The following PLCXD2 variants were observed in gnomAD, a reference collection of about 807,000 sequenced individuals.
PLCXD2 encodes phosphatidylinositol specific phospholipase C X domain containing 2, also known as PI-PLC X domain-containing protein 2.
PLCXD2 carries 21 observed loss-of-function variants against 28.6 expected under a neutral mutation model. The observed-to-expected ratio is 0.73, with a 90% CI of 0.52 to 1.06. The LOEUF (loss-of-function observed/expected upper bound fraction) is 1.06, where lower values mean the gene tolerates loss of function less well. Ranked by LOEUF, PLCXD2 falls within the 50% of genes least tolerant of loss-of-function variation. The pLI is 0.00. For missense variants in PLCXD2, 369 were observed against 376.7 expected, an observed-to-expected ratio of 0.98 and a Z score of 0.17; for synonymous variants, 140 against 150.1, an observed-to-expected ratio of 0.93 and a Z score of 0.49.
At chr3:111,725,283 G>A (rs1035614894) in intron 3 of PLCXD2, 3 of 227,768 alleles carry the variant, frequency 1.3e-5, no homozygotes, top group Admixed American at 5.7e-5. Flanking sequence ...ATAGAACATG[G>A]TTGTCTTCTG....
intron 3 of PLCXD2, chr3:111,722,665 T>C (rs1450071689): frequency 6.6e-6 from 1 of 152,236 alleles, no homozygotes; most frequent in Non-Finnish European, 1.5e-5. Context: ...AATGGATGTA[T>C]GCATTTATAA....
intron 1 of PLCXD2, among the ~76,000 whole-genome samples, chr3:111,677,816 G>C (rs760668368): frequency 2.6e-5 from 4 of 152,094 alleles, no homozygotes; most frequent in Non-Finnish European, 4.4e-5. Flanking sequence ...AAAGCGAGTG[G>C]TATTTGTCTA....
chr3:111,675,489 T>C, intron 1 of PLCXD2, 81 bp downstream of exon 1: 1 of 1,517,562 alleles, frequency 6.6e-7, no homozygotes, highest in Non-Finnish European at 9.1e-7. Context: ...TGCTTTTCTA[T>C]TGTGCTGAGA....
chr3:111,709,004 T>C (rs1941161734), intron 2 of PLCXD2, among the ~76,000 whole-genome samples: 1 of 150,494 alleles, frequency 6.6e-6, no homozygotes, highest in Non-Finnish European at 1.5e-5. Context: ...GGAAGAGGAA[T>C]GTGGGCCTCA....
chr3:111,699,450 C>T (rs1941010055), intron 1 of PLCXD2, among the ~76,000 whole-genome samples: 1 of 152,148 alleles, frequency 6.6e-6, no homozygotes, highest in Non-Finnish European at 1.5e-5. Context: ...AACTAGAATG[C>T]ACTCATTTGA....
intron 1 of PLCXD2, among the ~76,000 whole-genome samples, chr3:111,703,417 C>CA (rs1941074238): frequency 6.6e-6 from 1 of 152,198 alleles, no homozygotes; most frequent in South Asian, 2.1e-4. Context: ...CACATTTCTG[C>CA]ACAGTCCTCA....
At chr3:111,706,650 A>AC (rs1367146126) in intron 1 of PLCXD2, among the ~76,000 whole-genome samples, 1 of 151,706 alleles carries the variant, frequency 6.6e-6, no homozygotes, top group Non-Finnish European at 1.5e-5. Context: ...AATGGATTAA[A>AC]AAAAAAAAAG....
intron 1 of PLCXD2, among the ~76,000 whole-genome samples, chr3:111,700,610 G>GA (rs5851778): frequency 2.0e-5 from 3 of 151,298 alleles, no homozygotes; most frequent in African/African-American, 2.4e-5. Context: ...TGGAGAAGAG[G>GA]AAAAAAAAAA....
chr3:111,725,758 C>G (rs537378154), intron 3 of PLCXD2: 1 of 398,492 alleles, frequency 2.5e-6, no homozygotes, highest in Admixed American at 4.4e-5. Context: ...AATATTTACC[C>G]TTATATTTGG....
chr3:111,695,935 T>C (rs371041444), intron 1 of PLCXD2, among the ~76,000 whole-genome samples: 21 of 152,340 alleles, frequency 1.4e-4, no homozygotes, highest in Middle Eastern at 3.4e-3. Flanking sequence ...ACTGTGGAAA[T>C]TGAAACTGCA....
At chr3:111,718,395 A>G (rs1288939297) in intron 3 of PLCXD2, among the ~76,000 whole-genome samples, 3 of 151,828 alleles carry the variant, frequency 2.0e-5, no homozygotes, top group African/African-American at 4.8e-5. Context: ...AACCCGGGAG[A>G]CGGAGCTTGC....
At chr3:111,712,305 C>T (rs1041717629) in intron 2 of PLCXD2, among the ~76,000 whole-genome samples, 6 of 152,200 alleles carry the variant, frequency 3.9e-5, no homozygotes, top group African/African-American at 7.2e-5. Flanking sequence ...ATGTGGCCCA[C>T]GGGCAGGCCC....
intron 1 of PLCXD2, among the ~76,000 whole-genome samples, chr3:111,703,046 A>C (rs976124279): frequency 2.6e-5 from 4 of 152,248 alleles, no homozygotes; most frequent in Non-Finnish European, 2.9e-5. Context: ...TCCATATGAC[A>C]TGAAAGCTTT....
intron 1 of PLCXD2, among the ~76,000 whole-genome samples, chr3:111,699,424 A>G (rs1331492527): frequency 6.6e-6 from 1 of 152,212 alleles, no homozygotes. Context: ...GAAATGGGTA[A>G]TGAAAGTGCT....
chr3:111,717,880 CACA>C (rs1480124781), intron 3 of PLCXD2, among the ~76,000 whole-genome samples: 2 of 152,140 alleles, frequency 1.3e-5, no homozygotes, highest in African/African-American at 4.8e-5. Flanking sequence ...ACTTCCAAAC[CACA>C]ACATGTTGTC....
At chr3:111,709,262 C>T (rs1450472487) in intron 2 of PLCXD2, among the ~76,000 whole-genome samples, 3 of 152,090 alleles carry the variant, frequency 2.0e-5, no homozygotes, top group Non-Finnish European at 4.4e-5. Context: ...ACACCAGGTA[C>T]ATGCCAAGTA....
chr3:111,714,689 A>G (rs1306721911), intron 3 of PLCXD2, among the ~76,000 whole-genome samples: 1 of 152,218 alleles, frequency 6.6e-6, no homozygotes, highest in Non-Finnish European at 1.5e-5. Flanking sequence ...TTTGTATCAG[A>G]TGGTGTTCCT....
intron 1 of PLCXD2, among the ~76,000 whole-genome samples, chr3:111,695,160 T>TAAAAA (rs10662190): frequency 7.6e-6 from 1 of 132,342 alleles, no homozygotes; most frequent in Non-Finnish European, 1.6e-5. Flanking sequence ...ACCCATTTTC[T>TAAAAA]AAAAAAAAAA....
chr3:111,698,463 T>C (rs1335284787), intron 1 of PLCXD2, among the ~76,000 whole-genome samples: 3 of 152,244 alleles, frequency 2.0e-5, no homozygotes, highest in African/African-American at 7.2e-5. Context: ...GGACTCACCA[T>C]TTGTGAAGTT....
Sources: gnomAD v4.1 joint callset for allele counts (sites outside exome capture counted in the v4.1 genomes callset) on GRCh38, gnomAD v4.1.1 for gene constraint, MANE v1.5 for transcripts, NCBI Gene and HGNC (gene_info 2026-07-23, HGNC 2026-07-21) for gene names.